KCNB2: variants seen among roughly 807,000 people sequenced by gnomAD.
The protein encoded by KCNB2 is delayed rectifier potassium channel protein.
In KCNB2, 15 loss-of-function variants were observed where a neutral mutation model predicts 61.5. That is an observed-to-expected ratio of 0.24 (90% confidence interval 0.16 to 0.38). The LOEUF is 0.38. Among genes scored for constraint, KCNB2 ranks in the 10% least tolerant of loss-of-function variants. KCNB2 has a pLI of 1.00. For synonymous variants in KCNB2, 457 were observed against 446.0 expected (o/e 1.02, Z -0.31); for missense variants, 828 against 1,125.2 (o/e 0.74, Z 3.78).
intron 2 of KCNB2, among the ~76,000 whole-genome samples, chr8:72,799,301 A>T (rs1809084173): frequency 6.6e-6 from 1 of 152,184 alleles, no homozygotes; most frequent in Non-Finnish European, 1.5e-5. Context: ...AATTAAAATA[A>T]CACTTTCCTC....
At chr8:72,778,614 A>C (rs1808697634) in intron 2 of KCNB2, among the ~76,000 whole-genome samples, 1 of 151,402 alleles carries the variant, frequency 6.6e-6, no homozygotes, top group South Asian at 2.1e-4. Context: ...ATGCACCTAT[A>C]GTCCCAGCTA....
At chr8:72,678,591 A>G (rs1187631738) in intron 2 of KCNB2, among the ~76,000 whole-genome samples, 1 of 152,208 alleles carries the variant, frequency 6.6e-6, no homozygotes, top group South Asian at 2.1e-4. Flanking sequence ...CTCTGGCTCA[A>G]ATATCATCTT....
At chr8:72,586,744 T>A (rs1286747756) in intron 2 of KCNB2, among the ~76,000 whole-genome samples, 1 of 152,158 alleles carries the variant, frequency 6.6e-6, no homozygotes, top group Non-Finnish European at 1.5e-5. Flanking sequence ...TTAGAGTAAT[T>A]CCATCAGCCA....
In KCNB2 at chr8:72,937,097, G is replaced by A. The variant is rs148143740; in HGVS notation, c.1742G>A (p.Cys581Tyr). The change falls in exon 3 of 3, where the codon TGT (cysteine) becomes TAT (tyrosine). Residue 581 changes from cysteine (C) to tyrosine (Y), a missense_variant. Around this residue, in one of 4 missense-constraint regions of KCNB2, gnomAD observed 559 missense variants for 588.4 expected, o/e 0.95. Transcript: ENST00000523207. ...GAGATTGAAATGGAAGAAGTGGTGT[G>A]TCCACAGGAGCAGCTGGCCGTGGCA... is the stretch of plus-strand genomic sequence containing the variant. ...EEEIEMEEVV[C>Y]PQEQLAVAQT... The A allele has an allele frequency of 1.0e-4, 161 of 1,614,150 alleles. No homozygotes were observed. Among genetic ancestry groups the A allele is most frequent in the Middle Eastern group, 1.6e-4 (1 of 6,062 alleles).
intron 2 of KCNB2, among the ~76,000 whole-genome samples, chr8:72,569,063 A>G (rs1395478824): frequency 2.0e-5 from 3 of 152,148 alleles, no homozygotes; most frequent in African/African-American, 7.2e-5. Context: ...TAATTCCAGT[A>G]TGTAATTCAA....
At chr8:72,599,725 A>G (rs1480147083) in intron 2 of KCNB2, among the ~76,000 whole-genome samples, 1 of 152,224 alleles carries the variant, frequency 6.6e-6, no homozygotes, top group Non-Finnish European at 1.5e-5. Flanking sequence ...TCCAGAATCT[A>G]CAAAGAACTC....
intron 2 of KCNB2, among the ~76,000 whole-genome samples, chr8:72,872,925 G>C (rs1191107452): frequency 6.6e-6 from 1 of 152,172 alleles, no homozygotes; most frequent in East Asian, 1.9e-4. Context: ...CCCAAATAAA[G>C]ACTGTGTCGG....
chr8:72,828,433 G>A (rs1220979560), intron 2 of KCNB2, among the ~76,000 whole-genome samples: 2 of 152,048 alleles, frequency 1.3e-5, no homozygotes, highest in Non-Finnish European at 2.9e-5. Context: ...AGTTGGCAGG[G>A]GTACCTGGAT....
chr8:72,624,731 G>A (rs182206037), intron 2 of KCNB2, among the ~76,000 whole-genome samples: 1 of 152,314 alleles, frequency 6.6e-6, no homozygotes, highest in East Asian at 1.9e-4. Context: ...GTGTTCAAAT[G>A]TGGATGGGGC....
At chr8:72,625,055 A>T (rs1289321418) in intron 2 of KCNB2, among the ~76,000 whole-genome samples, 2 of 152,214 alleles carry the variant, frequency 1.3e-5, no homozygotes, top group African/African-American at 4.8e-5. Context: ...AGACCCCAGC[A>T]CCAACCAACA....
intron 2 of KCNB2, among the ~76,000 whole-genome samples, chr8:72,859,569 T>C (rs938977077): frequency 6.6e-6 from 1 of 152,122 alleles, no homozygotes; most frequent in African/African-American, 2.4e-5. Context: ...CTACTTTTTG[T>C]CTCTCTAGAT....
intron 2 of KCNB2, among the ~76,000 whole-genome samples, chr8:72,934,960 G>A (rs1806870595): frequency 6.6e-6 from 1 of 151,930 alleles, no homozygotes. Context: ...CTTGGCCTTT[G>A]TCCTTCCAGA....
At chr8:72,914,528 G>A (rs1806357049) in intron 2 of KCNB2, among the ~76,000 whole-genome samples, 1 of 152,148 alleles carries the variant, frequency 6.6e-6, no homozygotes, top group Admixed American at 6.5e-5. Flanking sequence ...TAGTTTATGT[G>A]GTTTGGTTTT....
At chr8:72,670,181 T>C (rs1188534148) in intron 2 of KCNB2, among the ~76,000 whole-genome samples, 1 of 152,210 alleles carries the variant, frequency 6.6e-6, no homozygotes, top group Non-Finnish European at 1.5e-5. Context: ...TCAATTGTGC[T>C]CAACCACCCA....
intron 2 of KCNB2, among the ~76,000 whole-genome samples, chr8:72,852,893 A>T (rs761683557): frequency 6.6e-6 from 1 of 152,236 alleles, no homozygotes; most frequent in African/African-American, 2.4e-5. Context: ...AATACAATGT[A>T]ATCAGTAGCA....
At chr8:72,817,168 A>C (rs1312010422) in intron 2 of KCNB2, among the ~76,000 whole-genome samples, 2 of 152,168 alleles carry the variant, frequency 1.3e-5, no homozygotes, top group African/African-American at 2.4e-5. Flanking sequence ...GAATGAATCA[A>C]AGAGTGTCTG....
At chr8:72,860,238 C>G (rs1041466868) in intron 2 of KCNB2, among the ~76,000 whole-genome samples, 1 of 151,942 alleles carries the variant, frequency 6.6e-6, no homozygotes, top group Non-Finnish European at 1.5e-5. Flanking sequence ...TCTGTTTCAC[C>G]TTTTGAGGAA....
intron 2 of KCNB2, among the ~76,000 whole-genome samples, chr8:72,781,864 G>T (rs1347628570): frequency 6.6e-6 from 1 of 152,158 alleles, no homozygotes; most frequent in African/African-American, 2.4e-5. Flanking sequence ...CACATGAACA[G>T]AAAACAAAAC....
intron 2 of KCNB2, among the ~76,000 whole-genome samples, chr8:72,671,615 C>T (rs1284562648): frequency 4.6e-5 from 7 of 152,190 alleles, no homozygotes; most frequent in African/African-American, 1.2e-4. Context: ...ATGCCTCCAT[C>T]TTCCATCCTT....
Sources: gnomAD v4.1 joint callset for allele counts (sites outside exome capture counted in the v4.1 genomes callset) on GRCh38, gnomAD v4.1.1 for gene constraint, gnomAD v4.1.1 regional missense constraint, MANE v1.5 for transcripts, NCBI Gene and HGNC (gene_info 2026-07-23, HGNC 2026-07-21) for gene names.